The following RASA3 variants were observed in gnomAD, a reference collection of about 807,000 sequenced individuals.
RASA3 encodes RAS p21 protein activator 3.
A neutral mutation model predicts 110.0 loss-of-function variants in RASA3; 73 were observed. The ratio of observed to expected loss-of-function variants is 0.66; its 90% CI spans 0.55 to 0.81. RASA3 has a LOEUF of 0.81. Ranked by LOEUF, RASA3 falls within the 30% of genes least tolerant of loss-of-function variation. The probability of loss-of-function intolerance (pLI) is 0.00; values close to 1 mark genes in which losing one functional copy is unlikely to be tolerated. For synonymous variants in RASA3, 500 were observed against 451.4 expected, an observed-to-expected ratio of 1.11 and a Z score of -1.37; for missense variants, 976 against 1,113.2, an observed-to-expected ratio of 0.88 and a Z score of 1.75.
rs2052846516 is a variant in RASA3, at chr13:113,979,169, G to A, written c.*178C>T. The stretch of plus-strand genomic sequence containing the variant: ...AGGGCCAGGTGGGCTTTCTGCGGAG[G>A]GCGTGGCGGTGGTGGCAGCGGTTCT... On this transcript the variant is annotated 3_prime_UTR_variant, in exon 24 of 24. Transcript: ENST00000334062. 1.6e-6 allele frequency: 1 copy of A among 616,456 alleles called. No individual in the cohort carries two copies. Among genetic ancestry groups the A allele is most frequent in the Admixed American group, 2.8e-5 (1 of 36,230 alleles). 38.2% of individuals were successfully genotyped at this position (616,456 alleles called of 1,614,324 possible).
chr13:114,054,152 T>G (rs1166166015), intron 2 of RASA3, among the ~76,000 whole-genome samples: 2 of 151,812 alleles, frequency 1.3e-5, no homozygotes, highest in East Asian at 3.9e-4. Flanking sequence ...ATTAAAAAAA[T>G]AAAAAGTGAA....
At chr13:114,088,017 G>A (rs1378636647) in intron 1 of RASA3, among the ~76,000 whole-genome samples, 1 of 152,156 alleles carries the variant, frequency 6.6e-6, no homozygotes, top group Non-Finnish European at 1.5e-5. Flanking sequence ...TGTAGTCCCA[G>A]CTATTTGTGA....
At chr13:114,089,306 G>A (rs1265872176) in intron 1 of RASA3, among the ~76,000 whole-genome samples, 1 of 141,150 alleles carries the variant, frequency 7.1e-6, no homozygotes, top group Admixed American at 6.9e-5. Flanking sequence ...AGGAGGGGGG[G>A]AGGAGGGGGG....
At chr13:114,023,570 C>T (rs1035853498) in intron 8 of RASA3, among the ~76,000 whole-genome samples, 3 of 152,224 alleles carry the variant, frequency 2.0e-5, no homozygotes, top group South Asian at 2.1e-4. Flanking sequence ...GGGAACCCGC[C>T]GGGGTTTGTG....
At chr13:114,070,108 G>A (rs1422290263) in intron 2 of RASA3, among the ~76,000 whole-genome samples, 89 of 112,334 alleles carry the variant, frequency 7.9e-4, no homozygotes, top group African/African-American at 3.0e-3. Context: ...GGGAAACTGG[G>A]GGGCCAGGAG....
At position 114,077,754 on chromosome 13, in the gene RASA3, C is replaced by T. The variant is rs1017749517; in HGVS notation, c.56-3917G>A. On this transcript the variant is annotated intron_variant, in intron 1 of 23. Coordinates refer to ENST00000334062, the MANE Select transcript of RASA3 (RefSeq NM_007368.4). Reference sequence around the variant, plus strand: ...CCCGATGATGCCCAGTCCCCTGGCCCCAAAACACACCAGGTTCCTCCCTCC... The same window carrying T: ...CCCGATGATGCCCAGTCCCCTGGCCTCAAAACACACCAGGTTCCTCCCTCC... 3 of 944,348 alleles carry T rather than the reference C, an allele frequency of 3.2e-6. No individual in the cohort carries two copies. The African/African-American group carries it at 5.4e-5, about 17-fold the overall frequency. 58.5% of individuals were successfully genotyped at this position (944,348 alleles called of 1,614,324 possible). A position where few individuals can be genotyped will look rare whatever the true frequency, so the allele number is the denominator to read the frequency against.
At chr13:114,047,901 G>T (rs1216867014) in intron 3 of RASA3, among the ~76,000 whole-genome samples, 1 of 152,254 alleles carries the variant, frequency 6.6e-6, no homozygotes, top group Non-Finnish European at 1.5e-5. Flanking sequence ...GAGTGTTCCG[G>T]GCTGTGGGAA....
chr13:113,996,798 AAG>A, intron 20 of RASA3, 59 bp from the exon 21 acceptor site: 2 of 1,478,000 alleles, frequency 1.4e-6, no homozygotes, highest in Non-Finnish European at 1.9e-6. Flanking sequence ...GAGCACGTGC[AAG>A]AGTCCACCAG....
At chr13:114,071,488 T>C (rs1357860173) in intron 2 of RASA3, among the ~76,000 whole-genome samples, 2 of 152,124 alleles carry the variant, frequency 1.3e-5, no homozygotes, top group African/African-American at 4.8e-5. Flanking sequence ...CAACAGACCA[T>C]TTAAACACAG....
intron 23 of RASA3, among the ~76,000 whole-genome samples, chr13:113,981,255 G>C (rs2052926412): frequency 6.6e-6 from 1 of 152,218 alleles, no homozygotes; most frequent in African/African-American, 2.4e-5. Flanking sequence ...TGCCTCATGA[G>C]ACAAGAGTGG....
chr13:113,992,548 G>T lies in RASA3; in HGVS notation c.2182C>A (p.Arg728Ser). Reference protein sequence around the residue: ...ANIQLDIDGDRETERIYSLFN... With the variant: ...ANIQLDIDGDSETERIYSLFN... Reference sequence around the variant, plus strand: ...AGGGAGTAGATACGCTCCGTCTCACGGTCCCCATCAATGTCCAGCTGGATG... The same window carrying T: ...AGGGAGTAGATACGCTCCGTCTCACTGTCCCCATCAATGTCCAGCTGGATG... The change falls in exon 22 of 24, where the codon CGT (arginine) becomes AGT (serine). Residue 728 changes from arginine to serine, a missense_variant. Around this residue, in one of 4 missense-constraint regions of RASA3, gnomAD observed 132 missense variants for 152.8 expected, o/e 0.86. Coordinates refer to ENST00000334062, the MANE Select transcript of RASA3 (RefSeq NM_007368.4). 6.2e-7 allele frequency: 1 copy of T among 1,613,530 alleles called. No individual in the cohort carries two copies. Among genetic ancestry groups the T allele is most frequent in the South Asian group, 1.1e-5 (1 of 91,078 alleles).
rs1329440060 is a variant in RASA3, at chr13:114,014,782, C to T, written c.1405+427G>A. The stretch of plus-strand genomic sequence containing the variant: ...CAGAGCCCCCAACACCACTCTGGGC[C>T]CTGCCAGGGTCGGCCACAAAAAGAA... On this transcript the variant is annotated intron_variant, in intron 14 of 23. Coordinates refer to ENST00000334062, the MANE Select transcript of RASA3 (RefSeq NM_007368.4). This position sits in a 1 kb window ranked among gnomAD's most constrained non-coding sequence, Gnocchi z 4.5. Among the ~76,000 whole-genome samples the T allele has an allele frequency of 6.6e-6, 1 of 152,078 alleles. No homozygotes were observed. The highest frequency in any genetic ancestry group is 1.5e-5 in the Non-Finnish European group (1 of 67,990).
intron 6 of RASA3, 95 bp downstream of exon 6, chr13:114,027,752 G>C: frequency 7.8e-7 from 1 of 1,287,194 alleles, no homozygotes; most frequent in Non-Finnish European, 1.1e-6. Context: ...GCAACCTCCT[G>C]ACTCCTCCCA....
chr13:114,076,797 C>T (rs1207782760), intron 1 of RASA3, among the ~76,000 whole-genome samples: 2 of 152,126 alleles, frequency 1.3e-5, no homozygotes, highest in Non-Finnish European at 2.9e-5. Context: ...CTCCAGCCTC[C>T]CGGCCCTGTT....
chr13:113,993,555 C>T (rs1566450127), intron 21 of RASA3, among the ~76,000 whole-genome samples: 1 of 151,658 alleles, frequency 6.6e-6, no homozygotes, highest in Non-Finnish European at 1.5e-5. Context: ...ACCTGTAGTC[C>T]CCACACTTTT....
intron 1 of RASA3, among the ~76,000 whole-genome samples, chr13:114,089,300 G>C (rs1044744412): frequency 6.7e-6 from 1 of 149,086 alleles, no homozygotes; most frequent in Non-Finnish European, 1.5e-5. Context: ...GCGGGGAGGA[G>C]GGGGGGAGGA....
rs767542099 is a variant in RASA3, at chr13:114,040,986, G to A, written c.372+14C>T. The A allele has an allele frequency of 4.2e-5, 68 of 1,612,516 alleles. No individual in the cohort carries two copies. The highest frequency in any genetic ancestry group is 1.6e-4 in the South Asian group (15 of 91,052). ...CCAGGGCTCTGGTTTCCGGGGCTGC[G>A]CCGAGAGTCTCACCTGCACTTCCGA... On this transcript the variant is annotated intron_variant, in intron 4 of 23. Transcript: ENST00000334062.
intron 3 of RASA3, among the ~76,000 whole-genome samples, chr13:114,046,386 C>T (rs1025106731): frequency 6.6e-6 from 1 of 152,220 alleles, no homozygotes; most frequent in Non-Finnish European, 1.5e-5. Flanking sequence ...GGACTCCCCA[C>T]GGGCGGGGTG....
chr13:114,015,516 C>T (rs1327536647), intron 13 of RASA3, among the ~76,000 whole-genome samples, 184 bp from the exon 14 acceptor site: 2 of 152,254 alleles, frequency 1.3e-5, no homozygotes, highest in African/African-American at 4.8e-5. Context: ...TGGCAATTCA[C>T]GCGTGAAAAT....
Sources: gnomAD v4.1 joint callset for allele counts (sites outside exome capture counted in the v4.1 genomes callset) on GRCh38, gnomAD v4.1.1 for gene constraint, gnomAD v4.1.1 regional missense constraint, Gnocchi (gnomAD v3.1) non-coding constraint, MANE v1.5 for transcripts, NCBI Gene and HGNC (gene_info 2026-07-23, HGNC 2026-07-21) for gene names.